The following DNA2 variants were observed in gnomAD, a reference collection of about 807,000 sequenced individuals.
DNA2 encodes DNA replication helicase/nuclease 2.
In DNA2, 101 loss-of-function variants were observed where a neutral mutation model predicts 119.1. That is an observed-to-expected ratio of 0.85 (90% CI 0.72 to 1.00). The LOEUF (loss-of-function observed/expected upper bound fraction) is 1.00. Among genes scored for constraint, DNA2 ranks in the 50% least tolerant of loss-of-function variants. The pLI is 0.00. For synonymous variants in DNA2, 366 were observed against 424.4 expected (o/e 0.86, Z 1.69); for missense variants, 1,121 against 1,255.5 (o/e 0.89, Z 1.62).
At chr10:68,420,975 G>T (rs2133359204) in intron 17 of DNA2, among the ~76,000 whole-genome samples, 1 of 149,628 alleles carries the variant, frequency 6.7e-6, no homozygotes, top group South Asian at 2.1e-4. Context: ...GTTTCACTCT[G>T]TCACCCAGGT....
rs533716091 is a variant in DNA2 at position 68,426,847 on chromosome 10, A to T, written c.2208+3589T>A. 2.0e-5 allele frequency among the ~76,000 whole-genome samples: 3 copies of T among 152,028 alleles called. No homozygotes were observed. The East Asian group carries it at 5.8e-4, about 29-fold the overall frequency. On this transcript the variant is annotated intron_variant, in intron 14 of 20. Transcript: ENST00000358410. ...GAGCAAGACTCTGTCTCAAAAAAAT[A>T]AAATAAATAAATAAATAAAACTATC...
At position 68,450,024 on chromosome 10, in the gene DNA2, A is replaced by C; in HGVS notation, c.939+4T>G. ...ACAGACAATTTTCTTATTAACATTT[A>C]TACCTGACTACGGTGTTCAATAGAA... On this transcript the variant is annotated splice_donor_region_variant and intron_variant, in intron 6 of 20. Coordinates refer to ENST00000358410, the MANE Select transcript of DNA2 (RefSeq NM_001080449.3). 6.5e-7 allele frequency: 1 copy of C among 1,544,156 alleles called. No individual in the cohort carries two copies. Among genetic ancestry groups the C allele is most frequent in the Non-Finnish European group, 8.8e-7 (1 of 1,133,312 alleles).
intron 3 of DNA2, 113 bp from the exon 4 acceptor site, chr10:68,465,925 C>T (rs1289619653): frequency 4.0e-6 from 4 of 1,006,846 alleles, no homozygotes; most frequent in Non-Finnish European, 3.9e-6. Context: ...AAGACAAATG[C>T]CAAAATATTA....
At chr10:68,432,534 A>G (rs904447330) in intron 10 of DNA2, 24 bp from the exon 11 acceptor site, 2 of 1,271,290 alleles carry the variant, frequency 1.6e-6, no homozygotes, top group East Asian at 5.0e-5. Context: ...ACAAATATAC[A>G]TGAATGCTCG....
intron 6 of DNA2, among the ~76,000 whole-genome samples, chr10:68,447,856 C>T (rs1169795031): frequency 1.2e-4 from 18 of 151,408 alleles, no homozygotes; most frequent in Non-Finnish European, 2.2e-4. Flanking sequence ...TGGTGGTGGG[C>T]GCCTGTAGTC....
At chr10:68,440,490 G>A (rs1019364349) in intron 9 of DNA2, among the ~76,000 whole-genome samples, 2 of 151,694 alleles carry the variant, frequency 1.3e-5, no homozygotes, top group South Asian at 2.1e-4. Context: ...GTAGAGATGC[G>A]GTTTCATTGT....
chr10:68,416,721 G>A lies in DNA2; in HGVS notation c.3102C>T (p.Asn1034=), dbSNP rs1392954514. ...AGAAAAAGGATATTAATTTTTCTGA[G>A]TTTAAATGATTAAGCAGCTTCTCCA... The part of the protein sequence containing the change: ...PPLEKLLNHL[N]SEKLIIDLPS... Residue 1034 remains asparagine (N), a synonymous_variant, in exon 20 of 21, where the codon AAC becomes AAT. Coordinates refer to ENST00000358410, the MANE Select transcript of DNA2 (RefSeq NM_001080449.3). The A allele has an allele frequency of 1.2e-6, 2 of 1,613,304 alleles. No homozygotes were observed. The highest frequency in any genetic ancestry group is 1.7e-6 in the Non-Finnish European group (2 of 1,179,430).
At position 68,416,787 on chromosome 10, in the gene DNA2, A is replaced by T. The variant is rs2051594842; in HGVS notation, c.3036T>A (p.Ile1012=). 6.2e-7 allele frequency: 1 copy of T among 1,613,760 alleles called. No homozygotes were observed. Among genetic ancestry groups the T allele is most frequent in the Admixed American group, 1.7e-5 (1 of 60,000 alleles). ...VAITRAKHKL[I]LLGCVPSLNC... Reference sequence around the variant, plus strand: ...TTAGTGAGGGCACACACCCCAGAAGAATCAGTTTATGTTTGGCTCTGGTTA... The same window carrying T: ...TTAGTGAGGGCACACACCCCAGAAGTATCAGTTTATGTTTGGCTCTGGTTA... Residue 1012 remains isoleucine, a synonymous_variant, in exon 20 of 21, where the codon ATT becomes ATA. Coordinates refer to ENST00000358410, the MANE Select transcript of DNA2 (RefSeq NM_001080449.3).
At chr10:68,444,730 A>C (rs2133401912) in intron 8 of DNA2, among the ~76,000 whole-genome samples, 191 bp downstream of exon 8, 1 of 151,604 alleles carries the variant, frequency 6.6e-6, no homozygotes, top group African/African-American at 2.4e-5. Context: ...CGTCTCAAAA[A>C]AAAAAAAAAA....
chr10:68,423,861 C>A (rs751057211), intron 14 of DNA2, among the ~76,000 whole-genome samples: 64 of 152,248 alleles, frequency 4.2e-4, no homozygotes, highest in Non-Finnish European at 4.4e-4. Context: ...CGACTCCCAC[C>A]TGGCAGGAAT....
Position 68,471,948 on chromosome 10 carries a change from C to G in DNA2, c.-84G>C, listed in dbSNP as rs184425083. Reference sequence around the variant, plus strand: ...AGAAAGCTTAGAAAAGGGAAAAAGGCGCGAGCCTGCGCACCTCGCGCGCAT... The same window carrying G: ...AGAAAGCTTAGAAAAGGGAAAAAGGGGCGAGCCTGCGCACCTCGCGCGCAT... On this transcript the variant is annotated 5_prime_UTR_variant, in exon 1 of 21. Coordinates refer to ENST00000358410, the MANE Select transcript of DNA2 (RefSeq NM_001080449.3). 3 of 1,612,574 alleles carry G rather than the reference C, an allele frequency of 1.9e-6. No individual in the cohort carries two copies. Among genetic ancestry groups the G allele is most frequent in the Non-Finnish European group, 2.5e-6 (3 of 1,179,006 alleles).
chr10:68,458,527 CTG>C (rs2052214701), intron 5 of DNA2, among the ~76,000 whole-genome samples: 1 of 148,472 alleles, frequency 6.7e-6, no homozygotes, highest in East Asian at 2.0e-4. Flanking sequence ...GAGCAAGACT[CTG>C]TATCAAAAAA....
intron 4 of DNA2, among the ~76,000 whole-genome samples, chr10:68,462,267 G>A (rs2052269833): frequency 6.6e-6 from 1 of 152,066 alleles, no homozygotes; most frequent in South Asian, 2.1e-4. Context: ...AGCTACTCAG[G>A]AGGCTGAGGC....
chr10:68,445,394 C>T (rs1472588426), intron 7 of DNA2, among the ~76,000 whole-genome samples: 3 of 151,258 alleles, frequency 2.0e-5, no homozygotes, highest in African/African-American at 4.8e-5. Flanking sequence ...ACCTGGGAGG[C>T]GGAGATTGCA....
intron 1 of DNA2, 96 bp from the exon 2 acceptor site, chr10:68,470,259 G>A: frequency 8.9e-7 from 1 of 1,128,438 alleles, no homozygotes; most frequent in Non-Finnish European, 1.2e-6. Context: ...AGTTTTCTAG[G>A]TTTCTTTCTT....
chr10:68,417,317 G>A (rs2051602480), intron 19 of DNA2, among the ~76,000 whole-genome samples: 1 of 136,988 alleles, frequency 7.3e-6, no homozygotes, highest in African/African-American at 2.7e-5. Flanking sequence ...CTTTTATTAC[G>A]TATATTTTAA....
intron 19 of DNA2, among the ~76,000 whole-genome samples, chr10:68,417,391 C>CAAAAAAAAAAAAAAAAAAAAAA (rs35777569): frequency 2.6e-5 from 2 of 77,504 alleles, no homozygotes; most frequent in Non-Finnish European, 4.7e-5. Flanking sequence ...ATAAGAAAAC[C>CAAAAAAAAAAAAAAAAAAAAAA]AAAAAAAAAA....
At position 68,448,980 on chromosome 10, in the gene DNA2, T is replaced by TGCGC. The variant is rs377639929; in HGVS notation, c.939+1047_939+1048insGCGC. On this transcript the variant is annotated intron_variant, in intron 6 of 20. Transcript: ENST00000358410. Reference sequence around the variant, plus strand: ...GTGTGTGTGTGTGCGTGTGTGTGTGTGTGTGTAGTAGTTTCACCATGTTGG... The same window carrying TGCGC: ...GTGTGTGTGTGTGCGTGTGTGTGTGTGCGCGTGTGTAGTAGTTTCACCATGTTGG... 3.4e-3 allele frequency among the ~76,000 whole-genome samples: 490 copies of TGCGC among 142,188 alleles called. 6 individuals carry two copies. Among genetic ancestry groups the TGCGC allele is most frequent in the African/African-American group, 0.014 (459 of 33,658 alleles). 93.3% of individuals were successfully genotyped at this position (142,188 alleles called of 152,430 possible). A position where few individuals can be genotyped will look rare whatever the true frequency, so the allele number is the denominator to read the frequency against.
intron 1 of DNA2, chr10:68,470,465 G>A (rs1159305069): frequency 2.8e-6 from 1 of 360,420 alleles, no homozygotes; most frequent in Non-Finnish European, 5.3e-6. Context: ...GAATAAACTG[G>A]AAGCCAGGCA....
Sources: allele counts gnomAD v4.1 joint callset (sites outside exome capture counted in the v4.1 genomes callset), GRCh38; gene constraint gnomAD v4.1.1; transcripts MANE v1.5; gene names NCBI Gene and HGNC (gene_info 2026-07-23, HGNC 2026-07-21).